The following UNC5D variants were observed in gnomAD, a reference collection of about 807,000 sequenced individuals.
UNC5D encodes netrin receptor UNC5D.
In UNC5D, 39 loss-of-function variants were observed where a neutral mutation model predicts 105.4. The observed-to-expected ratio is 0.37, with a 90% CI of 0.29 to 0.48. The LOEUF (loss-of-function observed/expected upper bound fraction) is 0.48, where lower values mean the gene tolerates loss of function less well. UNC5D is among the 20% of genes least tolerant of loss of function. The probability of loss-of-function intolerance (pLI) is 0.98; values close to 1 mark genes in which losing one functional copy is unlikely to be tolerated. For missense variants in UNC5D, 991 were observed against 1,202.4 expected, an observed-to-expected ratio of 0.82 and a Z score of 2.60; for synonymous variants, 452 against 450.4, an observed-to-expected ratio of 1.00 and a Z score of -0.04.
chr8:35,403,090 A>G, intron 1 of UNC5D, among the ~76,000 whole-genome samples: 1 of 152,116 alleles, frequency 6.6e-6, no homozygotes, highest in East Asian at 1.9e-4. Context: ...TGCTGTTTCT[A>G]CTCCATGTCA....
chr8:35,543,861 A>G (rs12541423), intron 1 of UNC5D, among the ~76,000 whole-genome samples: 19,438 of 152,208 alleles, frequency 0.13, 1,524 homozygotes, highest in East Asian at 0.27. Flanking sequence ...GTAAGTGAAG[A>G]AGTGACTCAC....
At chr8:35,776,211 G>A (rs1049938633) in intron 16 of UNC5D, among the ~76,000 whole-genome samples, 11 of 152,194 alleles carry the variant, frequency 7.2e-5, no homozygotes, top group African/African-American at 2.7e-4. Flanking sequence ...TACTATCCCT[G>A]TGTTTCTTTT....
chr8:35,249,403 C>T (rs185018701), intron 1 of UNC5D, among the ~76,000 whole-genome samples: 1 of 149,660 alleles, frequency 6.7e-6, no homozygotes, highest in Non-Finnish European at 1.5e-5. Context: ...ACTGAAAATA[C>T]AAAAATTAAC....
chr8:35,648,542 G>T (rs1009469876), intron 4 of UNC5D, among the ~76,000 whole-genome samples: 1 of 152,012 alleles, frequency 6.6e-6, no homozygotes, highest in Admixed American at 6.6e-5. Context: ...AGCCGGGTAT[G>T]GTTGCAGGCA....
At chr8:35,475,263 G>C (rs1204160271) in intron 1 of UNC5D, among the ~76,000 whole-genome samples, 2 of 152,180 alleles carry the variant, frequency 1.3e-5, no homozygotes, top group East Asian at 1.9e-4. Context: ...GGCCGAAGGA[G>C]AGCCAGGTCT....
intron 1 of UNC5D, among the ~76,000 whole-genome samples, chr8:35,386,717 T>G (rs963653270): frequency 6.6e-6 from 1 of 152,174 alleles, no homozygotes; most frequent in African/African-American, 2.4e-5. Flanking sequence ...TTATTTGTTA[T>G]CAAAAGTGGC....
chr8:35,753,373 A>G (rs1586589639), intron 13 of UNC5D, among the ~76,000 whole-genome samples: 1 of 151,834 alleles, frequency 6.6e-6, no homozygotes, highest in Non-Finnish European at 1.5e-5. Flanking sequence ...GGTTCACGCC[A>G]TTTTCCTGCC....
intron 1 of UNC5D, among the ~76,000 whole-genome samples, chr8:35,461,287 G>C (rs1268760879): frequency 6.6e-6 from 1 of 152,118 alleles, no homozygotes; most frequent in Non-Finnish European, 1.5e-5. Context: ...TGAGCTGGGG[G>C]CCTTTTTATG....
Position 35,683,710 on chromosome 8 carries a change from C to G in UNC5D, c.734C>G (p.Ala245Gly). 1 of 1,551,858 alleles carries G rather than the reference C, an allele frequency of 6.4e-7. No individual in the cohort carries two copies. The highest frequency in any genetic ancestry group is 1.3e-5 in the South Asian group (1 of 79,314). ...NIVAKRRSLS[A>G]TVVVYVNGGW... is the part of the protein sequence containing the mutation. ...GTGGCTAAGAGGAGAAGCCTGTCGG[C>G]CACTGTTGTGGTCTACGGTAAGACC... The change falls in exon 5 of 17, where the codon GCC becomes GGC. Residue 245 changes from alanine to glycine, a missense_variant. Ala to Gly is a moderately conservative substitution (Grantham distance 60). Around this residue, in one of 3 missense-constraint regions of UNC5D, gnomAD observed 944 missense variants for 1,131.6 expected, o/e 0.83. Transcript: ENST00000404895.
chr8:35,298,442 G>A (rs1219305587), intron 1 of UNC5D, among the ~76,000 whole-genome samples: 1 of 152,164 alleles, frequency 6.6e-6, no homozygotes, highest in Non-Finnish European at 1.5e-5. Flanking sequence ...GAATGTGTGT[G>A]TTGGAGATGG....
chr8:35,261,054 C>T (rs1804457415), intron 1 of UNC5D, among the ~76,000 whole-genome samples: 1 of 152,178 alleles, frequency 6.6e-6, no homozygotes, highest in Non-Finnish European at 1.5e-5. Flanking sequence ...CTGCTACGGT[C>T]ACACCAGAAA....
chr8:35,323,207 T>TC (rs1296827661), intron 1 of UNC5D, among the ~76,000 whole-genome samples: 3 of 138,758 alleles, frequency 2.2e-5, no homozygotes, highest in Admixed American at 7.5e-5. Context: ...TTTTTTTTTT[T>TC]CACATGAATG....
chr8:35,499,138 A>T (rs1177785887), intron 1 of UNC5D, among the ~76,000 whole-genome samples: 1 of 152,190 alleles, frequency 6.6e-6, no homozygotes, highest in Non-Finnish European at 1.5e-5. Flanking sequence ...AATAAATGAA[A>T]TGTTTCTCTA....
intron 1 of UNC5D, among the ~76,000 whole-genome samples, chr8:35,380,194 A>AGAGG (rs1802951580): frequency 6.8e-6 from 1 of 146,828 alleles, no homozygotes; most frequent in Non-Finnish European, 1.5e-5. Flanking sequence ...ACAGAGACCG[A>AGAGG]GAGGGAGAGA....
chr8:35,416,014 A>G (rs1327006982), intron 1 of UNC5D, among the ~76,000 whole-genome samples: 1 of 152,110 alleles, frequency 6.6e-6, no homozygotes, highest in African/African-American at 2.4e-5. Context: ...ACGTGATGCA[A>G]CATTCCAAGG....
In UNC5D at chr8:35,652,381, C is replaced by T. The variant is rs1258513193; in HGVS notation, c.571-31166C>T. Reference sequence around the variant, plus strand: ...CTTGATTTTGCAAACTGAGACATTACTTACCATATTACTCATAGAAAATGA... The same window carrying T: ...CTTGATTTTGCAAACTGAGACATTATTTACCATATTACTCATAGAAAATGA... On this transcript the variant is annotated intron_variant, in intron 4 of 16. Coordinates refer to ENST00000404895, the MANE Select transcript of UNC5D (RefSeq NM_080872.4). Among the ~76,000 whole-genome samples, 3 of 152,016 alleles carry T rather than the reference C, an allele frequency of 2.0e-5. No homozygotes were observed. The East Asian group carries it at 5.8e-4, about 29-fold the overall frequency.
At chr8:35,497,296 G>A (rs1048278449) in intron 1 of UNC5D, among the ~76,000 whole-genome samples, 6 of 152,148 alleles carry the variant, frequency 3.9e-5, no homozygotes, top group African/African-American at 1.4e-4. Flanking sequence ...TGGAATGAGG[G>A]TCTTATGACC....
intron 1 of UNC5D, among the ~76,000 whole-genome samples, chr8:35,482,221 G>T (rs893494332): frequency 6.6e-6 from 1 of 151,962 alleles, no homozygotes; most frequent in South Asian, 2.1e-4. Flanking sequence ...TTTCTAAATC[G>T]TTCCCTTATG....
At chr8:35,594,421 T>G (rs1032597566) in intron 3 of UNC5D, among the ~76,000 whole-genome samples, 2 of 152,228 alleles carry the variant, frequency 1.3e-5, no homozygotes, top group African/African-American at 2.4e-5. Context: ...CATGTTATTG[T>G]AAGCACTGAA....
Sources: allele counts gnomAD v4.1 joint callset (sites outside exome capture counted in the v4.1 genomes callset), GRCh38; gene constraint gnomAD v4.1.1; regional missense constraint gnomAD v4.1.1; transcripts MANE v1.5; gene names NCBI Gene and HGNC (gene_info 2026-07-23, HGNC 2026-07-21).